The following SCAPER variants were observed in gnomAD, a reference collection of about 807,000 sequenced individuals.
SCAPER encodes S-phase cyclin A associated protein in the ER, also known as S phase cyclin A-associated protein in the endoplasmic reticulum.
SCAPER carries 98 observed loss-of-function variants against 182.2 expected under a neutral mutation model. The observed-to-expected ratio is 0.54, with a 90% CI of 0.46 to 0.64. The LOEUF (loss-of-function observed/expected upper bound fraction) is 0.64, where lower values mean the gene tolerates loss of function less well. Ranked by LOEUF, SCAPER falls within the 30% of genes least tolerant of loss-of-function variation. SCAPER has a pLI of 0.00. For missense variants in SCAPER, 1,432 were observed against 1,690.0 expected (o/e 0.85, Z 2.68); for synonymous variants, 605 against 564.6 (o/e 1.07, Z -1.01).
intron 22 of SCAPER, among the ~76,000 whole-genome samples, chr15:76,606,825 A>G (rs2050454157): frequency 6.6e-6 from 1 of 152,082 alleles, no homozygotes; most frequent in Non-Finnish European, 1.5e-5. Context: ...TTTATCAGAG[A>G]CTAGGATTGC....
intron 27 of SCAPER, among the ~76,000 whole-genome samples, chr15:76,388,649 G>A (rs2043445716): frequency 2.6e-5 from 4 of 152,086 alleles, no homozygotes; most frequent in Non-Finnish European, 4.4e-5. Flanking sequence ...TACAACAGAT[G>A]TAAATCTACT....
intron 17 of SCAPER, among the ~76,000 whole-genome samples, chr15:76,716,370 C>A (rs1351251315): frequency 6.6e-6 from 1 of 152,026 alleles, no homozygotes; most frequent in Non-Finnish European, 1.5e-5. Context: ...ATCAGATGTA[C>A]AAACATCATG....
chr15:76,875,894 G>A (rs1288807806), intron 2 of SCAPER, among the ~76,000 whole-genome samples: 1 of 152,210 alleles, frequency 6.6e-6, no homozygotes, highest in Non-Finnish European at 1.5e-5. Flanking sequence ...TGGTCGAGGA[G>A]GCTCGGGCCG....
intron 20 of SCAPER, among the ~76,000 whole-genome samples, chr15:76,695,744 G>C (rs564090391): frequency 6.6e-6 from 1 of 152,118 alleles, no homozygotes; most frequent in South Asian, 2.1e-4. Flanking sequence ...GCACATCCAA[G>C]TTACAGTGTG....
rs549567095 is a variant in SCAPER at position 76,807,670 on chromosome 15, C to T, written c.394-3037G>A. On this transcript the variant is annotated intron_variant, in intron 5 of 31. Transcript: ENST00000563290. ...CTAGCATTAGGTATATCTCCCAATG[C>T]TATCCCTCCCCCCTCCCCCCACCCC... 3.8e-4 allele frequency among the ~76,000 whole-genome samples: 56 copies of T among 145,866 alleles called. 1 individual carries two copies. The East Asian group carries it at 8.9e-3, about 23-fold the overall frequency.
chr15:76,763,568 C>T (rs1055761487), intron 14 of SCAPER, among the ~76,000 whole-genome samples: 5 of 151,168 alleles, frequency 3.3e-5, no homozygotes, highest in Non-Finnish European at 5.9e-5. Context: ...AAAAGGCTTT[C>T]TGCCTGCTTC....
chr15:76,530,942 T>C (rs1243784756), intron 23 of SCAPER, among the ~76,000 whole-genome samples: 1 of 151,364 alleles, frequency 6.6e-6, no homozygotes, highest in African/African-American at 2.4e-5. Context: ...TATACATATA[T>C]ATGTATATAC....
chr15:76,810,089 T>G (rs1432818407), intron 5 of SCAPER, among the ~76,000 whole-genome samples: 1 of 151,936 alleles, frequency 6.6e-6, no homozygotes, highest in Non-Finnish European at 1.5e-5. Flanking sequence ...TATACTTGAT[T>G]TACAAGAAAA....
intron 24 of SCAPER, among the ~76,000 whole-genome samples, chr15:76,486,157 A>T (rs1156684616): frequency 1.3e-5 from 2 of 152,136 alleles, no homozygotes; most frequent in Non-Finnish European, 2.9e-5. Context: ...CAGTGAGCCG[A>T]GATCACGCCA....
At chr15:76,720,182 C>T (rs1456507109) in intron 17 of SCAPER, among the ~76,000 whole-genome samples, 8 of 149,336 alleles carry the variant, frequency 5.4e-5, no homozygotes, top group Non-Finnish European at 8.9e-5. Context: ...ATGTGGTGTT[C>T]GGTTTTTTGT....
intron 29 of SCAPER, among the ~76,000 whole-genome samples, chr15:76,374,665 G>A (rs2042416774): frequency 6.6e-6 from 1 of 151,628 alleles, no homozygotes; most frequent in South Asian, 2.1e-4. Context: ...ATTTTTAGTA[G>A]AGACGGGGTT....
chr15:76,545,860 A>C (rs940311561), intron 23 of SCAPER, among the ~76,000 whole-genome samples: 1 of 152,118 alleles, frequency 6.6e-6, no homozygotes, highest in Non-Finnish European at 1.5e-5. Context: ...ATTCTATTTA[A>C]CTCTACTGCT....
intron 20 of SCAPER, among the ~76,000 whole-genome samples, chr15:76,698,885 C>A (rs1421855010): frequency 6.6e-6 from 1 of 152,210 alleles, no homozygotes; most frequent in Admixed American, 6.5e-5. Flanking sequence ...CTGACTCTTC[C>A]TATCCATGAG....
chr15:76,728,734 G>A lies in SCAPER; in HGVS notation c.2026C>T (p.Arg676Cys), dbSNP rs2060737032. 2.5e-6 allele frequency: 4 copies of A among 1,605,558 alleles called. No individual in the cohort carries two copies. Among genetic ancestry groups the A allele is most frequent in the African/African-American group, 1.3e-5 (1 of 74,222 alleles). Residue 676 changes from arginine to cysteine, a missense_variant, in exon 17 of 32, where the codon CGC (arginine) becomes TGC (cysteine). Around this residue, in one of 5 missense-constraint regions of SCAPER, gnomAD observed 88 missense variants for 184.2 expected, o/e 0.48. Transcript: ENST00000563290. ...CGCTCTGCCTCTAGAGCTCTCTTGC[G>A]TTCCTAATGTTAGAAATATTTGTTT... Reference protein sequence around the residue: ...KQARDEAVQERKRALEAERQA... With the variant: ...KQARDEAVQECKRALEAERQA...
At chr15:76,539,762 G>A (rs1306793659) in intron 23 of SCAPER, among the ~76,000 whole-genome samples, 1 of 152,024 alleles carries the variant, frequency 6.6e-6, no homozygotes, top group Non-Finnish European at 1.5e-5. Context: ...AGCCAGGATG[G>A]TCTCGATCTC....
intron 21 of SCAPER, among the ~76,000 whole-genome samples, chr15:76,634,924 C>A (rs915834436): frequency 2.0e-5 from 3 of 151,782 alleles, no homozygotes; most frequent in Admixed American, 1.3e-4. Flanking sequence ...TAGATAGGTT[C>A]TTGAAACTGC....
intron 24 of SCAPER, among the ~76,000 whole-genome samples, chr15:76,479,450 TG>T (rs2050924046): frequency 6.6e-6 from 1 of 152,142 alleles, no homozygotes; most frequent in African/African-American, 2.4e-5. Context: ...ACCCTGTGGT[TG>T]GGGGTTTGAG....
chr15:76,748,758 A>C (rs148072999), intron 15 of SCAPER, among the ~76,000 whole-genome samples: 3 of 152,106 alleles, frequency 2.0e-5, no homozygotes, highest in African/African-American at 4.8e-5. Flanking sequence ...GATGCTCTAC[A>C]GTATTAGTCT....
chr15:76,904,685 G>A (rs1469742826), intron 1 of SCAPER: 1 of 152,328 alleles, frequency 6.6e-6, no homozygotes, highest in East Asian at 1.9e-4. Flanking sequence ...GAGGCAGGAG[G>A]CTGGGTCCCA....
Sources: allele counts gnomAD v4.1 joint callset (sites outside exome capture counted in the v4.1 genomes callset), GRCh38; gene constraint gnomAD v4.1.1; regional missense constraint gnomAD v4.1.1; transcripts MANE v1.5; gene names NCBI Gene and HGNC (gene_info 2026-07-23, HGNC 2026-07-21).